The following ANKRD36B variants were observed in gnomAD, a reference collection of about 807,000 sequenced individuals.
ANKRD36B encodes the protein ankyrin repeat domain-containing protein 36B.
In ANKRD36B, 37 loss-of-function variants were observed where a neutral mutation model predicts 135.7. The observed-to-expected ratio is 0.27, with a 90% CI of 0.21 to 0.36. The LOEUF (loss-of-function observed/expected upper bound fraction) is 0.36, where lower values mean the gene tolerates loss of function less well. Ranked by LOEUF, ANKRD36B falls within the 10% of genes least tolerant of loss-of-function variation. The pLI is 1.00. For synonymous variants in ANKRD36B, 179 were observed against 348.1 expected (o/e 0.51, Z 5.41); for missense variants, 549 against 1,037.1 (o/e 0.53, Z 6.46).
chr2:97,564,152 C>A (rs1299978809), intron 6 of ANKRD36B, among the ~76,000 whole-genome samples: 2 of 151,194 alleles, frequency 1.3e-5, no homozygotes, highest in Non-Finnish European at 3.0e-5. Context: ...TGGGTGATTT[C>A]TTTTGCTTTT....
In ANKRD36B at chr2:97,555,183, C is replaced by G. The variant is rs747478337; in HGVS notation, c.1098+43G>C. The G allele has an allele frequency of 1.9e-6, 3 of 1,610,956 alleles. No individual in the cohort carries two copies. The African/African-American group carries it at 4.0e-5, about 22-fold the overall frequency. Reference sequence around the variant, plus strand: ...CAATAAAGAAAGTATGTTTCATGGACTATACAGTTACTAATACAAAATATA... The same window carrying G: ...CAATAAAGAAAGTATGTTTCATGGAGTATACAGTTACTAATACAAAATATA... On this transcript the variant is annotated intron_variant, in intron 13 of 43. Coordinates refer to ENST00000359901, the MANE Select transcript of ANKRD36B (RefSeq NM_001393939.1).
rs184188184 is a variant in ANKRD36B, at chr2:97,531,610, T to C, written c.2265+701A>G. Among the ~76,000 whole-genome samples, 9 of 96,250 alleles carry C rather than the reference T, an allele frequency of 9.4e-5. 1 individual carries two copies. The highest frequency in any genetic ancestry group is 4.7e-4 in the South Asian group (2 of 4,234). 63.1% of individuals were successfully genotyped at this position (96,250 alleles called of 152,430 possible). A position where few individuals can be genotyped will look rare whatever the true frequency, so the allele number is the denominator to read the frequency against. ...TTCTTACATTTTAATGCAAATTACA[T>C]ATTGTAATATGATTGACAGTGTTAT... On this transcript the variant is annotated intron_variant, in intron 35 of 43. Transcript: ENST00000359901.
chr2:97,573,415 C>G (rs932240297), intron 6 of ANKRD36B, among the ~76,000 whole-genome samples: 19 of 152,116 alleles, frequency 1.2e-4, no homozygotes, highest in Non-Finnish European at 2.5e-4. Context: ...AAGAACATTC[C>G]ATGCTCATGG....
At chr2:97,565,887 GTGTA>G (rs2081389460) in intron 6 of ANKRD36B, among the ~76,000 whole-genome samples, 1 of 149,710 alleles carries the variant, frequency 6.7e-6, no homozygotes, top group Non-Finnish European at 1.5e-5. Context: ...GTGTGTGTGT[GTGTA>G]TATATATATA....
At chr2:97,567,295 CA>C (rs1361115419) in intron 6 of ANKRD36B, among the ~76,000 whole-genome samples, 3 of 148,408 alleles carry the variant, frequency 2.0e-5, no homozygotes, top group Non-Finnish European at 4.5e-5. Context: ...GGATGCTCTC[CA>C]AATCCAATCC....
chr2:97,552,900 G>T (rs1176014986), intron 16 of ANKRD36B, among the ~76,000 whole-genome samples: 1 of 151,860 alleles, frequency 6.6e-6, no homozygotes, highest in East Asian at 1.9e-4. Flanking sequence ...GCTCCCCAGA[G>T]CCCCTTATGT....
rs2078926785 is a variant in ANKRD36B at position 97,537,070 on chromosome 2, T to A, written c.2090-574A>T. ...AGTAGTTAATATTCATTATTTATCA[T>A]GCCCATGTGGTGTAATAGTCTGCCT... On this transcript the variant is annotated intron_variant, in intron 32 of 43. Coordinates refer to ENST00000359901, the MANE Select transcript of ANKRD36B (RefSeq NM_001393939.1). Among the ~76,000 whole-genome samples the A allele has an allele frequency of 4.1e-5, 4 of 96,770 alleles. 1 individual carries two copies. Among genetic ancestry groups the A allele is most frequent in the Non-Finnish European group, 1.1e-4 (4 of 36,418 alleles). 63.5% of individuals were successfully genotyped at this position (96,770 alleles called of 152,430 possible).
chr2:97,528,176 A>G (rs1408051007), intron 35 of ANKRD36B, among the ~76,000 whole-genome samples: 2 of 96,438 alleles, frequency 2.1e-5, no homozygotes, highest in African/African-American at 3.1e-5. Context: ...CAGCAAATGT[A>G]AAAGTACAGA....
At chr2:97,586,745 A>C (rs2083028911) in intron 1 of ANKRD36B, among the ~76,000 whole-genome samples, 1 of 152,252 alleles carries the variant, frequency 6.6e-6, no homozygotes, top group South Asian at 2.1e-4. Context: ...TTGTTTCCTT[A>C]TATGTAATAA....
intron 26 of ANKRD36B, among the ~76,000 whole-genome samples, chr2:97,543,219 T>C (rs1472929427): frequency 8.0e-5 from 12 of 150,744 alleles, no homozygotes; most frequent in African/African-American, 2.4e-4. Flanking sequence ...ATCTTCTTTA[T>C]GCAAATATGC....
At position 97,570,307 on chromosome 2, in the gene ANKRD36B, G is replaced by C. The variant is rs1274332780; in HGVS notation, c.763+6072C>G. ...CTAAAATTAAGTTGGGGCTGTAACT[G>C]CTGTGAAGAAAATAATTCATATAAC... On this transcript the variant is annotated intron_variant, in intron 6 of 43. Coordinates refer to ENST00000359901, the MANE Select transcript of ANKRD36B (RefSeq NM_001393939.1). 2.6e-5 allele frequency among the ~76,000 whole-genome samples: 4 copies of C among 152,272 alleles called. No individual in the cohort carries two copies. The East Asian group carries it at 7.7e-4, about 29-fold the overall frequency.
rs538666202 is a variant in ANKRD36B at position 97,580,539 on chromosome 2, C to G, written c.480G>C (p.Val160=). 1 of 1,547,650 alleles carries G rather than the reference C, an allele frequency of 6.5e-7. No individual in the cohort carries two copies. Among genetic ancestry groups the G allele is most frequent in the East Asian group, 2.5e-5 (1 of 40,748 alleles). The change falls in exon 4 of 44, where the codon GTG becomes GTC. Residue 160 remains valine (V), a synonymous_variant. Transcript: ENST00000359901. ...CCACCATTTTCACTTTTCTTCGACT[C>G]ACAGCAAGTAACAGTGGCTGATATT... is the stretch of plus-strand genomic sequence containing the variant. The part of the protein sequence containing the change: ...KNEYQPLLLA[V]SRRKVKMVEF...
chr2:97,560,582 A>G lies in ANKRD36B; in HGVS notation c.865+83T>C, dbSNP rs963566290. 7.0e-6 allele frequency: 11 copies of G among 1,565,044 alleles called. No homozygotes were observed. In the African/African-American group the frequency reaches 9.5e-5, roughly 14 times the overall value. ...TGAATCAGAACGTGCAGCTTATATG[A>G]ACTCCCCACTGATTTATTTGGGGAA... On this transcript the variant is annotated intron_variant, in intron 8 of 43. Coordinates refer to ENST00000359901, the MANE Select transcript of ANKRD36B (RefSeq NM_001393939.1).
rs1418920717 is a variant in ANKRD36B, at chr2:97,527,649, T to C, written c.2266-4182A>G. Among the ~76,000 whole-genome samples the C allele has an allele frequency of 9.4e-5, 9 of 95,724 alleles. 1 individual carries two copies. The highest frequency in any genetic ancestry group is 2.8e-4 in the African/African-American group (9 of 31,938). The allele number at this position is 95,724 out of a possible 152,430, so 62.8% of individuals were successfully genotyped here. A position where few individuals can be genotyped will look rare whatever the true frequency, so the allele number is the denominator to read the frequency against. ...GTCAAGACCCATCAGTGTGCTGTAT[T>C]CAGGAAACCCATCTCACATGCAGAG... On this transcript the variant is annotated intron_variant, in intron 35 of 43. Transcript: ENST00000359901.
chr2:97,562,464 T>C (rs17841861), intron 6 of ANKRD36B, among the ~76,000 whole-genome samples: 8,680 of 152,056 alleles, frequency 0.057, 342 homozygotes, highest in Middle Eastern at 0.12. Context: ...GCATGTATCA[T>C]TGATGTCCAA....
At chr2:97,536,238 T>C in intron 34 of ANKRD36B, 62 bp downstream of exon 34, 1 of 621,576 alleles carries the variant, frequency 1.6e-6, no homozygotes, top group South Asian at 1.5e-5. Flanking sequence ...AGAAAGACTA[T>C]GAGCATTACA....
chr2:97,546,691 A>G (rs530892022), intron 22 of ANKRD36B, among the ~76,000 whole-genome samples: 1 of 151,896 alleles, frequency 6.6e-6, no homozygotes, highest in African/African-American at 2.4e-5. Context: ...AGAATTCAAC[A>G]TCATTTTTGT....
chr2:97,511,608 G>A lies in ANKRD36B; in HGVS notation c.3250C>T (p.His1084Tyr), dbSNP rs369134454. 1.8e-6 allele frequency: 1 copy of A among 560,842 alleles called. No homozygotes were observed. Among genetic ancestry groups the A allele is most frequent in the Non-Finnish European group, 2.8e-6 (1 of 351,212 alleles). 34.7% of individuals were successfully genotyped at this position (560,842 alleles called of 1,614,324 possible). Residue 1084 changes from histidine to tyrosine, a missense_variant, in exon 39 of 44, where the codon CAT (histidine) becomes TAT (tyrosine). Physicochemically the swap from His to Tyr is moderately conservative, Grantham distance 83. Transcript: ENST00000359901. ...CRHLQENLNSHVLILSLQLSK... is the reference protein window; with the variant it reads ...CRHLQENLNSYVLILSLQLSK... ...AGTTGCAGAGAAAGAATCAGAACAT[G>A]AGAATTCAAATTTTCCTGTAAGTGA...
At chr2:97,574,374 A>T (rs1363514714) in intron 6 of ANKRD36B, among the ~76,000 whole-genome samples, 2 of 152,236 alleles carry the variant, frequency 1.3e-5, no homozygotes, top group Non-Finnish European at 2.9e-5. Flanking sequence ...GCAATCATTA[A>T]AACGTCAGGA....
Sources: allele counts gnomAD v4.1 joint callset (sites outside exome capture counted in the v4.1 genomes callset), GRCh38; gene constraint gnomAD v4.1.1; transcripts MANE v1.5; gene names NCBI Gene and HGNC (gene_info 2026-07-23, HGNC 2026-07-21).